Variants in GBE1 observed in about 807,000 individuals in gnomAD.
The protein encoded by GBE1 is 1,4-alpha-glucan branching enzyme 1.
GBE1 carries 70 observed loss-of-function variants against 88.8 expected under a neutral mutation model. The ratio of observed to expected loss-of-function variants is 0.79; its 90% CI spans 0.65 to 0.96. The LOEUF (loss-of-function observed/expected upper bound fraction) is 0.96, where lower values mean the gene tolerates loss of function less well. Ranked by LOEUF, GBE1 falls within the 40% of genes least tolerant of loss-of-function variation. GBE1 has a pLI of 0.00. For missense variants in GBE1, 872 were observed against 871.0 expected, an observed-to-expected ratio of 1.00 and a Z score of -0.01; for synonymous variants, 284 against 300.1, an observed-to-expected ratio of 0.95 and a Z score of 0.56.
chr3:81,689,625 T>C (rs1018801010), intron 2 of GBE1, among the ~76,000 whole-genome samples: 9 of 152,334 alleles, frequency 5.9e-5, no homozygotes, highest in African/African-American at 1.9e-4. Context: ...GGCCCTGCGT[T>C]ATCATCTCAC....
At chr3:81,752,867 G>T (rs114238011) in intron 1 of GBE1, among the ~76,000 whole-genome samples, 2,636 of 152,246 alleles carry the variant, frequency 0.017, 92 homozygotes, top group African/African-American at 0.061. Flanking sequence ...CAGTGTTAAA[G>T]AAGCAAACAG....
intron 12 of GBE1, among the ~76,000 whole-genome samples, chr3:81,541,096 A>C (rs914368193): frequency 2.0e-5 from 3 of 151,996 alleles, no homozygotes; most frequent in African/African-American, 7.2e-5. Context: ...TGGGTAGATT[A>C]ATGAGGTGAA....
chr3:81,716,268 A>C (rs1705935882), intron 1 of GBE1, among the ~76,000 whole-genome samples: 1 of 152,194 alleles, frequency 6.6e-6, no homozygotes, highest in East Asian at 1.9e-4. Context: ...AAATATATAG[A>C]GAAGTTATGG....
intron 7 of GBE1, among the ~76,000 whole-genome samples, chr3:81,597,482 A>AAT (rs60557493): frequency 0.28 from 38,870 of 137,506 alleles, 5,496 homozygotes; most frequent in East Asian, 0.54. Context: ...TATATCTCAA[A>AAT]ATATATATAT....
chr3:81,600,052 T>C (rs1396525521), intron 7 of GBE1, among the ~76,000 whole-genome samples: 1 of 152,132 alleles, frequency 6.6e-6, no homozygotes, highest in Non-Finnish European at 1.5e-5. Flanking sequence ...GGCGGGTGGA[T>C]CACGAGGTCA....
intron 14 of GBE1, among the ~76,000 whole-genome samples, chr3:81,521,012 T>C (rs985228919): frequency 2.0e-5 from 3 of 151,546 alleles, no homozygotes; most frequent in Non-Finnish European, 3.0e-5. Context: ...TTTGAAGAGA[T>C]AGTTAAAAGC....
chr3:81,688,463 T>C (rs866584920), intron 2 of GBE1, among the ~76,000 whole-genome samples: 25 of 152,208 alleles, frequency 1.6e-4, no homozygotes, highest in Admixed American at 4.6e-4. Flanking sequence ...CAAATGAAGA[T>C]GATATTAAGT....
At chr3:81,589,932 A>C (rs577789288) in intron 9 of GBE1, among the ~76,000 whole-genome samples, 42 of 152,168 alleles carry the variant, frequency 2.8e-4, no homozygotes, top group Middle Eastern at 3.4e-3. Flanking sequence ...CTATGATCAA[A>C]CGTAGGTAGG....
intron 1 of GBE1, among the ~76,000 whole-genome samples, chr3:81,727,501 A>C (rs1255120387): frequency 6.6e-6 from 1 of 152,202 alleles, no homozygotes; most frequent in Non-Finnish European, 1.5e-5. Flanking sequence ...TGGAGGCACA[A>C]GTGCAGATTC....
chr3:81,757,063 C>A (rs1444165503), intron 1 of GBE1, among the ~76,000 whole-genome samples: 1 of 151,866 alleles, frequency 6.6e-6, no homozygotes, highest in Non-Finnish European at 1.5e-5. Context: ...TTCCAGATGC[C>A]CCAATTTCTT....
At chr3:81,683,274 T>A (rs1705380391) in intron 2 of GBE1, among the ~76,000 whole-genome samples, 1 of 152,176 alleles carries the variant, frequency 6.6e-6, no homozygotes, top group Non-Finnish European at 1.5e-5. Flanking sequence ...AAAATAAAAC[T>A]TTTTTTAAAA....
intron 8 of GBE1, among the ~76,000 whole-genome samples, chr3:81,591,428 A>G (rs1448980828): frequency 6.6e-6 from 1 of 152,184 alleles, no homozygotes; most frequent in Non-Finnish European, 1.5e-5. Flanking sequence ...AATTTTAGCT[A>G]AATTATATGG....
intron 10 of GBE1, 136 bp from the exon 11 acceptor site, chr3:81,581,411 T>A: frequency 3.5e-6 from 2 of 575,266 alleles, no homozygotes; most frequent in Non-Finnish European, 6.0e-6. Flanking sequence ...ATAGCAAAGT[T>A]ATCACTGTTT....
chr3:81,621,324 A>G (rs1396214173), intron 7 of GBE1, among the ~76,000 whole-genome samples: 1 of 152,192 alleles, frequency 6.6e-6, no homozygotes, highest in Non-Finnish European at 1.5e-5. Flanking sequence ...GACCTAGAAA[A>G]TTGTGAATCT....
intron 12 of GBE1, among the ~76,000 whole-genome samples, chr3:81,542,392 C>A (rs563929974): frequency 6.6e-6 from 1 of 151,946 alleles, no homozygotes; most frequent in African/African-American, 2.4e-5. Flanking sequence ...AATATAATAT[C>A]TGCTCAAAGG....
chr3:81,632,934 G>C (rs1576178436), intron 7 of GBE1, among the ~76,000 whole-genome samples: 1 of 152,046 alleles, frequency 6.6e-6, no homozygotes, highest in South Asian at 2.1e-4. Flanking sequence ...TGACCTTGAG[G>C]CACTTTCTCT....
At chr3:81,669,758 T>C (rs538451060) in intron 3 of GBE1, among the ~76,000 whole-genome samples, 6 of 152,302 alleles carry the variant, frequency 3.9e-5, no homozygotes, top group Admixed American at 2.6e-4. Context: ...TTTTTCACTA[T>C]AGATTAAAAG....
rs1240721262 is a variant in GBE1, at chr3:81,591,161, T to C, written c.1112A>G (p.Gln371Arg). ...SMLYHHHGVGQGFSGDYSEYF... is the reference protein window; with the variant it reads ...SMLYHHHGVGRGFSGDYSEYF... Reference sequence around the variant, plus strand: ...TTCACTGTAATCACCTGAGAAACCTTGACCTTAGAAAAAGAAAATCAATAC... The same window carrying C: ...TTCACTGTAATCACCTGAGAAACCTCGACCTTAGAAAAAGAAAATCAATAC... Residue 371 changes from glutamine to arginine, a missense_variant, in exon 9 of 16, where the codon CAA becomes CGA. Physicochemically the swap from Gln to Arg is conservative, Grantham distance 43. Transcript: ENST00000429644. The C allele has an allele frequency of 6.3e-7, 1 of 1,596,808 alleles. No individual in the cohort carries two copies. The highest frequency in any genetic ancestry group is 8.5e-7 in the Non-Finnish European group (1 of 1,170,404).
At chr3:81,551,095 C>T (rs1347808743) in intron 12 of GBE1, among the ~76,000 whole-genome samples, 1 of 152,170 alleles carries the variant, frequency 6.6e-6, no homozygotes, top group East Asian at 1.9e-4. Context: ...GCACACTCCT[C>T]CCTTAAAAGA....
Sources: allele counts gnomAD v4.1 joint callset (sites outside exome capture counted in the v4.1 genomes callset), GRCh38; gene constraint gnomAD v4.1.1; transcripts MANE v1.5; gene names NCBI Gene and HGNC (gene_info 2026-07-23, HGNC 2026-07-21).